DYM: variants seen among roughly 807,000 people sequenced by gnomAD.
The protein encoded by DYM is dyggve-Melchior-Clausen syndrome protein.
A neutral mutation model predicts 93.1 loss-of-function variants in DYM; 78 were observed. That is an observed-to-expected ratio of 0.84 (90% CI 0.70 to 1.01). DYM has a LOEUF of 1.01. DYM is among the 50% of genes least tolerant of loss of function. The pLI, the probability that DYM is intolerant of heterozygous loss-of-function variation, is 0.00. For synonymous variants in DYM, 321 were observed against 319.7 expected (o/e 1.00, Z -0.04); for missense variants, 789 against 845.0 (o/e 0.93, Z 0.82).
intron 16 of DYM, among the ~76,000 whole-genome samples, chr18:49,105,912 T>C (rs2080749610): frequency 6.6e-6 from 1 of 152,224 alleles, no homozygotes; most frequent in African/African-American, 2.4e-5. Context: ...GTTCTGTAGA[T>C]GTCAATTAGG....
chr18:49,071,685 A>T (rs1004536553), intron 17 of DYM, among the ~76,000 whole-genome samples: 2 of 152,202 alleles, frequency 1.3e-5, no homozygotes, highest in Non-Finnish European at 2.9e-5. Flanking sequence ...GGCCTAAAAT[A>T]ATCAGGGTTA....
intron 3 of DYM, among the ~76,000 whole-genome samples, chr18:49,381,672 C>G (rs201910573): frequency 6.6e-6 from 1 of 152,192 alleles, no homozygotes; most frequent in Non-Finnish European, 1.5e-5. Flanking sequence ...GCATCTCTAC[C>G]GTTCCCCAGT....
At chr18:49,079,104 T>C (rs1460288516) in intron 17 of DYM, among the ~76,000 whole-genome samples, 1 of 152,258 alleles carries the variant, frequency 6.6e-6, no homozygotes, top group Non-Finnish European at 1.5e-5. Flanking sequence ...TGCAACTGTC[T>C]GTCTTTTTTC....
At chr18:49,275,610 C>T (rs532808196) in intron 10 of DYM, among the ~76,000 whole-genome samples, 64 of 152,100 alleles carry the variant, frequency 4.2e-4, no homozygotes, top group Non-Finnish European at 7.6e-4. Context: ...GGTATGGTGG[C>T]TCATGCCTGT....
intron 8 of DYM, among the ~76,000 whole-genome samples, chr18:49,326,058 C>T (rs1170696356): frequency 6.6e-6 from 1 of 152,214 alleles, no homozygotes; most frequent in African/African-American, 2.4e-5. Flanking sequence ...ACATCAGAAT[C>T]ACCTAGAATA....
intron 1 of DYM, among the ~76,000 whole-genome samples, chr18:49,445,895 C>A (rs916777919): frequency 2.0e-5 from 3 of 152,142 alleles, no homozygotes; most frequent in Middle Eastern, 3.4e-3. Flanking sequence ...TACTCACCAG[C>A]AGTGAACAAT....
At chr18:49,229,121 A>G (rs1199365513) in intron 13 of DYM, among the ~76,000 whole-genome samples, 7 of 133,652 alleles carry the variant, frequency 5.2e-5, no homozygotes, top group Non-Finnish European at 1.1e-4. Context: ...TTGACAAATA[A>G]TAAAACTAAT....
intron 14 of DYM, among the ~76,000 whole-genome samples, chr18:49,194,742 AC>A (rs2091290953): frequency 5.9e-5 from 9 of 151,988 alleles, no homozygotes; most frequent in Non-Finnish European, 1.3e-4. Context: ...CATAAGTAAC[AC>A]AAAAAAATAT....
In DYM at chr18:49,047,858, C is replaced by T. The variant is rs377213270; in HGVS notation, c.2026-3654G>A. On this transcript the variant is annotated intron_variant, in intron 17 of 17. Transcript: ENST00000675505. ...AGAGGGGGGCAACAAGTAGCTCCCACCGACCCGCGCTCCCCATACATCATG... is the reference window on the plus strand; with the variant it reads ...AGAGGGGGGCAACAAGTAGCTCCCATCGACCCGCGCTCCCCATACATCATG... Among the ~76,000 whole-genome samples the T allele has an allele frequency of 1.6e-4, 24 of 152,280 alleles. No homozygotes were observed. In the South Asian group the frequency reaches 4.8e-3, roughly 30 times the overall value.
chr18:49,287,338 AAT>A (rs1262660431), intron 8 of DYM, among the ~76,000 whole-genome samples: 1 of 149,730 alleles, frequency 6.7e-6, no homozygotes, highest in African/African-American at 2.4e-5. Context: ...TATATATTTA[AAT>A]ATATATATAT....
intron 14 of DYM, among the ~76,000 whole-genome samples, chr18:49,203,230 G>C (rs1369657160): frequency 2.1e-5 from 1 of 48,412 alleles, no homozygotes; most frequent in Non-Finnish European, 5.9e-5. Context: ...GGGAGGTGGG[G>C]GGGGTCAGCC....
intron 13 of DYM, among the ~76,000 whole-genome samples, chr18:49,222,941 C>T (rs2093416262): frequency 6.6e-6 from 1 of 152,164 alleles, no homozygotes; most frequent in Non-Finnish European, 1.5e-5. Flanking sequence ...AAAGGATTAG[C>T]TATCACCATC....
intron 11 of DYM, among the ~76,000 whole-genome samples, chr18:49,266,738 G>A (rs2094576030): frequency 6.6e-6 from 1 of 152,132 alleles, no homozygotes; most frequent in South Asian, 2.1e-4. Flanking sequence ...CTTACGTCAA[G>A]GTATTCACAT....
In DYM at chr18:49,078,950, T is replaced by C. The variant is rs77096121; in HGVS notation, c.2025+18452A>G. ...AGAAGTGCAAGGTTAATTGAGTTGT[T>C]CCCGCATAAGGGAATTTGGTACTAT... On this transcript the variant is annotated intron_variant, in intron 17 of 17. Coordinates refer to ENST00000675505, the MANE Select transcript of DYM (RefSeq NM_001353214.3). Among the ~76,000 whole-genome samples, 611 of 152,346 alleles carry C rather than the reference T, an allele frequency of 4.0e-3. 3 individuals are homozygous for C. Among genetic ancestry groups the C allele is most frequent in the African/African-American group, 0.014 (594 of 41,566 alleles).
At chr18:49,350,280 T>C (rs1460781640) in intron 6 of DYM, among the ~76,000 whole-genome samples, 1 of 152,246 alleles carries the variant, frequency 6.6e-6, no homozygotes, top group African/African-American at 2.4e-5. Flanking sequence ...GATTAAATTA[T>C]GATATATTCA....
chr18:49,108,188 T>C (rs527629175), intron 16 of DYM, among the ~76,000 whole-genome samples: 106 of 152,176 alleles, frequency 7.0e-4, no homozygotes, highest in African/African-American at 2.1e-3. Context: ...GCTCCATGGG[T>C]GTAGGACCCT....
chr18:49,449,012 C>T (rs1393024895), intron 1 of DYM, among the ~76,000 whole-genome samples: 2 of 152,182 alleles, frequency 1.3e-5, no homozygotes, highest in Non-Finnish European at 2.9e-5. Flanking sequence ...TTATTTAGGG[C>T]CACCTCCAAC....
intron 13 of DYM, among the ~76,000 whole-genome samples, chr18:49,215,576 G>A (rs963021389): frequency 1.3e-5 from 2 of 152,194 alleles, no homozygotes; most frequent in Non-Finnish European, 2.9e-5. Flanking sequence ...GCAAAAAGAA[G>A]TAAACAGATT....
At chr18:49,459,108 A>C (rs1243893926) in intron 1 of DYM, among the ~76,000 whole-genome samples, 1 of 152,230 alleles carries the variant, frequency 6.6e-6, no homozygotes, top group Non-Finnish European at 1.5e-5. Context: ...TATATGTCGT[A>C]ACAACACAGA....
Sources: allele counts gnomAD v4.1 joint callset (sites outside exome capture counted in the v4.1 genomes callset), GRCh38; gene constraint gnomAD v4.1.1; transcripts MANE v1.5; gene names NCBI Gene and HGNC (gene_info 2026-07-23, HGNC 2026-07-21).